TBXT: variants seen among roughly 807,000 people sequenced by gnomAD.
TBXT encodes T-box transcription factor T.
In TBXT, 19 loss-of-function variants were observed where a neutral mutation model predicts 41.1. The observed-to-expected ratio is 0.46, with a 90% CI of 0.32 to 0.68. The LOEUF is 0.68. Ranked by LOEUF, TBXT falls within the 30% of genes least tolerant of loss-of-function variation. The pLI is 0.03. For missense variants in TBXT, 536 were observed against 582.0 expected (o/e 0.92, Z 0.81); for synonymous variants, 213 against 238.9 (o/e 0.89, Z 1.00).
intron 7 of TBXT, among the ~76,000 whole-genome samples, chr6:166,160,516 T>G (rs1164085480): frequency 6.6e-6 from 1 of 152,158 alleles, no homozygotes; most frequent in Non-Finnish European, 1.5e-5. Context: ...AAAAGACTTG[T>G]CCATCACGTG....
At chr6:166,165,570 G>A (rs946249064) in intron 3 of TBXT, 136 bp downstream of exon 3, 19 of 1,373,482 alleles carry the variant, frequency 1.4e-5, no homozygotes, top group East Asian at 2.3e-5. Flanking sequence ...TTCAAGTTCC[G>A]GAATATTATT....
intron 6 of TBXT, among the ~76,000 whole-genome samples, chr6:166,161,503 T>G (rs1400999634): frequency 6.6e-6 from 1 of 152,254 alleles, no homozygotes; most frequent in East Asian, 1.9e-4. Context: ...TTCCTTCTTT[T>G]GGAGCCAGAC....
intron 1 of TBXT, 146 bp from the exon 2 acceptor site, chr6:166,167,002 C>A: frequency 7.1e-7 from 1 of 1,405,950 alleles, no homozygotes; most frequent in Non-Finnish European, 9.7e-7. Context: ...GCTCCCCCTT[C>A]CCCGAGCCCT....
upstream of TBXT, chr6:166,168,640 C>T (rs2128524361): frequency 6.6e-6 from 1 of 152,368 alleles, no homozygotes; most frequent in South Asian, 2.1e-4. Context: ...TAAGCAAAAG[C>T]AAAACAACCC....
Position 166,158,272 on chromosome 6 carries a change from G to T in TBXT, c.*43C>A, listed in dbSNP as rs751580961. The T allele has an allele frequency of 3.7e-6, 6 of 1,613,944 alleles. No individual in the cohort carries two copies. Among genetic ancestry groups the T allele is most frequent in the South Asian group, 2.2e-5 (2 of 91,000 alleles). The stretch of plus-strand genomic sequence containing the variant: ...CAATCCAGTCACCACTGGCTGCCAC[G>T]ACAAAAAGTCACTGCATCTTTCGGG... On this transcript the variant is annotated 3_prime_UTR_variant, in exon 8 of 8. Transcript: ENST00000366876.
At chr6:166,160,015 T>A (rs916532854) in intron 7 of TBXT, among the ~76,000 whole-genome samples, 2 of 152,230 alleles carry the variant, frequency 1.3e-5, no homozygotes, top group African/African-American at 4.8e-5. Context: ...CGCAGGCATA[T>A]TTTGGTATTC....
At chr6:166,160,468 T>C (rs892809819) in intron 7 of TBXT, among the ~76,000 whole-genome samples, 1 of 152,118 alleles carries the variant, frequency 6.6e-6, no homozygotes, top group Non-Finnish European at 1.5e-5. Context: ...TTTACCACCT[T>C]CCTTTTATAT....
In TBXT at chr6:166,167,422, T is replaced by C; in HGVS notation, c.170A>G (p.Glu57Gly). 1.2e-6 allele frequency: 2 copies of C among 1,613,172 alleles called. No homozygotes were observed. Among genetic ancestry groups the C allele is most frequent in the Non-Finnish European group, 8.5e-7 (1 of 1,179,930 alleles). The change falls in exon 1 of 8, where the codon GAG becomes GGG. Residue 57 changes from glutamate to glycine, a missense_variant. Transcript: ENST00000366876. The part of the protein sequence containing the change: ...EESELWLRFK[E>G]LTNEMIVTKN... ...GGTCACGATCATCTCATTGGTGAGC[T>C]CCTTGAAGCGCAGCCACAGCTCGCT... is the stretch of plus-strand genomic sequence containing the variant.
chr6:166,165,729 C>A lies in TBXT; in HGVS notation c.583G>T (p.Val195Leu). 6.2e-7 allele frequency: 1 copy of A among 1,614,178 alleles called. No individual in the cohort carries two copies. Among genetic ancestry groups the A allele is most frequent in the Non-Finnish European group, 8.5e-7 (1 of 1,180,040 alleles). Residue 195 changes from valine (V) to leucine (L), a missense_variant, in exon 3 of 8, where the codon GTG (valine) becomes TTG (leucine). By Grantham distance (32) the Val-to-Leu change is conservative. Transcript: ENST00000366876. ...HCFPETQFIA[V>L]TAYQNEEITA... ...ACCTCCTCGTTCTGATAAGCAGTCA[C>A]CGCTATGAACTGGGTCTCAGGGAAG...
chr6:166,165,568 C>T lies in TBXT; in HGVS notation c.606+138G>A, dbSNP rs536233913. ...CTCTCCTGTGCTTCCATTTCAAGTT[C>T]CGGAATATTATTTGAAAGGGCAGGA... On this transcript the variant is annotated intron_variant, in intron 3 of 7. Transcript: ENST00000366876. The T allele has an allele frequency of 2.7e-5, 36 of 1,353,638 alleles. No homozygotes were observed. The African/African-American group carries it at 4.3e-4, about 16-fold the overall frequency. The allele number at this position is 1,353,638 out of a possible 1,614,324, so 83.9% of individuals were successfully genotyped here.
intron 4 of TBXT, 41 bp downstream of exon 4, chr6:166,164,759 A>T (rs747091702): frequency 6.2e-7 from 1 of 1,611,646 alleles, no homozygotes; most frequent in South Asian, 1.1e-5. Flanking sequence ...CTTTCTGCAT[A>T]CTTCTTTGCC....
Position 166,158,354 on chromosome 6 carries a change from G to A in TBXT, c.1272C>T (p.Leu424=), listed in dbSNP as rs1778846596. The A allele has an allele frequency of 1.9e-6, 3 of 1,614,268 alleles. No homozygotes were observed. The highest frequency in any genetic ancestry group is 2.5e-6 in the Non-Finnish European group (3 of 1,180,054). ...SQYDAAAQGR[L]IASWTPVSPP... ...GCGACACAGGTGTCCATGAGGCTAT[G>A]AGGCGGCCTTGGGCTGCGGCGTCGT... is the stretch of plus-strand genomic sequence containing the variant. Residue 424 remains leucine, a synonymous_variant, in exon 8 of 8, where the codon CTC becomes CTT. Transcript: ENST00000366876.
Position 166,160,891 on chromosome 6 carries a change from G to T in TBXT, c.983C>A (p.Ala328Asp). The T allele has an allele frequency of 6.2e-7, 1 of 1,614,098 alleles. No homozygotes were observed. ...GCTCACGGGGAGCATGCTGGGATGG[G>T]CAGGCATTCCAAGGCTGGACCAATT... ...HDNWSSLGMP[A>D]HPSMLPVSHN... The change falls in exon 7 of 8, where the codon GCC (alanine) becomes GAC (aspartate). Residue 328 changes from alanine (A) to aspartate (D), a missense_variant. Transcript: ENST00000366876.
chr6:166,165,850 A>G lies in TBXT; in HGVS notation c.472-10T>C, dbSNP rs768100767. 4 of 1,614,088 alleles carry G rather than the reference A, an allele frequency of 2.5e-6. No individual in the cohort carries two copies. The South Asian group carries it at 4.4e-5, about 18-fold the overall frequency. ...AGGAGTTCAGCATGATCTGAGGGAG[A>G]CAGATACAGGATTGGTGGCACTGAA... On this transcript the variant is annotated splice_polypyrimidine_tract_variant and intron_variant, in intron 2 of 7. Transcript: ENST00000366876.
At chr6:166,165,633 C>T in intron 3 of TBXT, 73 bp downstream of exon 3, 1 of 1,611,456 alleles carries the variant, frequency 6.2e-7, no homozygotes. Context: ...CTCCCCGCTC[C>T]TCCAGAATCT....
At chr6:166,161,937 A>C (rs915654486) in intron 6 of TBXT, among the ~76,000 whole-genome samples, 1 of 151,984 alleles carries the variant, frequency 6.6e-6, no homozygotes, top group East Asian at 1.9e-4. Context: ...AAAAGCACAC[A>C]TTGCCGGGCC....
chr6:166,163,510 A>G lies in TBXT; in HGVS notation c.731-887T>C, dbSNP rs9295325. On this transcript the variant is annotated intron_variant, in intron 5 of 7. Transcript: ENST00000366876. ...GGGATTCTCATGCCTCAGCCTCCCA[A>G]GTAGCTGGGATTACAGGCGCCCACC... Among the ~76,000 whole-genome samples the G allele has an allele frequency of 4.2e-3, 638 of 152,194 alleles. 9 individuals are homozygous for G. The highest frequency in any genetic ancestry group is 0.014 in the African/African-American group (596 of 41,532).
At position 166,160,861 on chromosome 6, in the gene TBXT, T is replaced by C; in HGVS notation, c.1013A>G (p.Asn338Ser). 1.2e-6 allele frequency: 2 copies of C among 1,614,084 alleles called. No homozygotes were observed. Among genetic ancestry groups the C allele is most frequent in the South Asian group, 1.1e-5 (1 of 91,082 alleles). ...AHPSMLPVSHNASPPTSSSQY... is the reference protein window; with the variant it reads ...AHPSMLPVSHSASPPTSSSQY... The stretch of plus-strand genomic sequence containing the variant: ...CCTGGAGCTGGTAGGTGGGCTGGCA[T>C]TGTGGCTCACGGGGAGCATGCTGGG... The change falls in exon 7 of 8, where the codon AAT (asparagine) becomes AGT (serine). Residue 338 changes from asparagine to serine, a missense_variant. Physicochemically the swap from Asn to Ser is conservative, Grantham distance 46. Coordinates refer to ENST00000366876, the MANE Select transcript of TBXT (RefSeq NM_001366285.2).
chr6:166,157,921 T>G lies in TBXT; in HGVS notation c.*394A>C. The G allele has an allele frequency of 3.1e-6, 1 of 327,122 alleles. No individual in the cohort carries two copies. The highest frequency in any genetic ancestry group is 3.1e-5 in the South Asian group (1 of 32,432). The allele number at this position is 327,122 out of a possible 1,614,324, so 20.3% of individuals were successfully genotyped here. On this transcript the variant is annotated 3_prime_UTR_variant, in exon 8 of 8. Coordinates refer to ENST00000366876, the MANE Select transcript of TBXT (RefSeq NM_001366285.2). ...CAAGGAAGAAGATTAAGAGTGTGCT[T>G]TTTATCTCACTAAAGTAGGACTGGT...
Sources: gnomAD v4.1 joint callset for allele counts (sites outside exome capture counted in the v4.1 genomes callset) on GRCh38, gnomAD v4.1.1 for gene constraint, MANE v1.5 for transcripts, NCBI Gene and HGNC (gene_info 2026-07-23, HGNC 2026-07-21) for gene names.